Variants in KCNMB4 observed in about 807,000 individuals in gnomAD.
KCNMB4 encodes potassium calcium-activated channel subfamily M regulatory beta subunit 4.
Under a neutral mutation model 20.7 loss-of-function variants are expected in KCNMB4, and 3 were observed. The ratio of observed to expected loss-of-function variants is 0.14; its 90% CI spans 0.07 to 0.37. The LOEUF (loss-of-function observed/expected upper bound fraction) is 0.37. Among genes scored for constraint, KCNMB4 ranks in the 10% least tolerant of loss-of-function variants. The pLI, the probability that KCNMB4 is intolerant of heterozygous loss-of-function variation, is 1.00. For synonymous variants in KCNMB4, 110 were observed against 113.4 expected, an observed-to-expected ratio of 0.97 and a Z score of 0.19; for missense variants, 168 against 265.9, an observed-to-expected ratio of 0.63 and a Z score of 2.56.
chr12:70,430,936 A>G lies in KCNMB4; in HGVS notation c.*283A>G. The stretch of plus-strand genomic sequence containing the variant: ...AGAAGTTCATTTTCTTTCAAAAGTA[A>G]CAGTATATTATTTGTACAGTGTAGT... On this transcript the variant is annotated 3_prime_UTR_variant, in exon 3 of 3. Transcript: ENST00000258111. The G allele has an allele frequency of 3.5e-6, 1 of 287,906 alleles. No individual in the cohort carries two copies. Among genetic ancestry groups the G allele is most frequent in the Non-Finnish European group, 6.4e-6 (1 of 156,842 alleles). The allele number at this position is 287,906 out of a possible 1,614,324, so 17.8% of individuals were successfully genotyped here. A position where few individuals can be genotyped will look rare whatever the true frequency, so the allele number is the denominator to read the frequency against.
At chr12:70,375,526 C>T (rs188688415) in intron 1 of KCNMB4, among the ~76,000 whole-genome samples, 9 of 151,922 alleles carry the variant, frequency 5.9e-5, no homozygotes, top group Admixed American at 5.9e-4. Flanking sequence ...ACTGGTAGTC[C>T]TAGCTACTCA....
intron 2 of KCNMB4, among the ~76,000 whole-genome samples, chr12:70,424,870 A>G (rs908708487): frequency 6.6e-6 from 1 of 152,204 alleles, no homozygotes; most frequent in African/African-American, 2.4e-5. Context: ...TAGGAAGACA[A>G]GCACGCTCTG....
intron 2 of KCNMB4, among the ~76,000 whole-genome samples, chr12:70,407,559 C>G (rs1238686963): frequency 3.3e-5 from 5 of 149,684 alleles, no homozygotes; most frequent in Admixed American, 6.7e-5. Context: ...GCTCCGCCTC[C>G]CGGGTTCACA....
At chr12:70,425,894 T>C (rs1869198696) in intron 2 of KCNMB4, among the ~76,000 whole-genome samples, 1 of 152,156 alleles carries the variant, frequency 6.6e-6, no homozygotes. Flanking sequence ...ATCCCAGTAG[T>C]TTGGGGGGCC....
chr12:70,379,455 G>A (rs1236831216), intron 1 of KCNMB4, among the ~76,000 whole-genome samples: 2 of 152,086 alleles, frequency 1.3e-5, no homozygotes, highest in East Asian at 3.9e-4. Context: ...AGGTCTGGCT[G>A]TCACCCAGGC....
At chr12:70,409,235 G>A (rs11178225) in intron 2 of KCNMB4, among the ~76,000 whole-genome samples, 10,659 of 152,206 alleles carry the variant, frequency 0.07, 575 homozygotes, top group East Asian at 0.25. Context: ...CACCACCTGT[G>A]CAGTCTCTTG....
intron 1 of KCNMB4, among the ~76,000 whole-genome samples, chr12:70,369,629 C>T (rs1883556314): frequency 6.6e-6 from 1 of 152,124 alleles, no homozygotes; most frequent in Admixed American, 6.5e-5. Flanking sequence ...TTTTTCCTCT[C>T]CCTTGAGTTT....
intron 1 of KCNMB4, among the ~76,000 whole-genome samples, chr12:70,394,506 T>G (rs1246350901): frequency 6.6e-6 from 1 of 152,214 alleles, no homozygotes; most frequent in Non-Finnish European, 1.5e-5. Flanking sequence ...ATAAACATTC[T>G]GGACTACCTG....
In KCNMB4 at chr12:70,430,648, T is replaced by G; in HGVS notation, c.628T>G (p.Ser210Ala). ...GGAAGCCATGAAGAAGCGCAAGTTC[T>G]CTTAAAGGGGAAGGAGGCTTGTAGA... ...KAEAMKKRKF[S>A] is the part of the protein sequence containing the mutation. The change falls in exon 3 of 3, where the codon TCT becomes GCT. Residue 210 changes from serine (S) to alanine (A), a missense_variant. Transcript: ENST00000258111. 6.2e-7 allele frequency: 1 copy of G among 1,607,564 alleles called. No individual in the cohort carries two copies. Among genetic ancestry groups the G allele is most frequent in the Non-Finnish European group, 8.5e-7 (1 of 1,178,294 alleles).
chr12:70,373,943 G>GT lies in KCNMB4; in HGVS notation c.336+6874dup, dbSNP rs1160706903. On this transcript the variant is annotated intron_variant, in intron 1 of 2. Coordinates refer to ENST00000258111, the MANE Select transcript of KCNMB4 (RefSeq NM_014505.6). ...CAAGACTGCAGTGAGCTAAATTTAA[G>GT]TATGTGCTTTAGGACTTTAGCTTGG... Among the ~76,000 whole-genome samples the GT allele has an allele frequency of 3.9e-5, 6 of 152,318 alleles. No individual in the cohort carries two copies. In the East Asian group the frequency reaches 1.2e-3, roughly 29 times the overall value.
chr12:70,405,446 T>C (rs1868572336), intron 2 of KCNMB4, among the ~76,000 whole-genome samples: 1 of 152,166 alleles, frequency 6.6e-6, no homozygotes, highest in Non-Finnish European at 1.5e-5. Flanking sequence ...TAATGTCACC[T>C]CACGCCTCTC....
intron 1 of KCNMB4, among the ~76,000 whole-genome samples, chr12:70,391,658 A>G (rs1220826415): frequency 6.6e-6 from 1 of 152,182 alleles, no homozygotes; most frequent in Non-Finnish European, 1.5e-5. Context: ...AGAGAAGAAT[A>G]TAGTCTGAGG....
chr12:70,404,685 A>G (rs1156665283), intron 2 of KCNMB4, among the ~76,000 whole-genome samples: 2 of 152,238 alleles, frequency 1.3e-5, no homozygotes, highest in Non-Finnish European at 2.9e-5. Context: ...AACAGAACTT[A>G]ATGACAATGT....
At chr12:70,422,631 C>A in intron 2 of KCNMB4, 1 of 1,157,380 alleles carries the variant, frequency 8.6e-7, no homozygotes, top group African/African-American at 1.6e-5. Context: ...GCCAAGCTGA[C>A]TTTAGAATAA....
At chr12:70,407,166 A>G (rs1416611769) in intron 2 of KCNMB4, among the ~76,000 whole-genome samples, 1 of 152,116 alleles carries the variant, frequency 6.6e-6, no homozygotes, top group Non-Finnish European at 1.5e-5. Flanking sequence ...CTTGCATTCA[A>G]TAATTTGCTA....
rs1021843451 is a variant in KCNMB4, at chr12:70,394,050, G to A, written c.337-6159G>A. On this transcript the variant is annotated intron_variant, in intron 1 of 2. Transcript: ENST00000258111. ...TCATGTCTTCTTTTGTAGTCACAAA[G>A]CACTTTGTAAATATGCTACTATTAC... Among the ~76,000 whole-genome samples, 3 of 152,150 alleles carry A rather than the reference G, an allele frequency of 2.0e-5. 1 individual carries two copies. The highest frequency in any genetic ancestry group is 4.4e-5 in the Non-Finnish European group (3 of 68,044).
intron 2 of KCNMB4, among the ~76,000 whole-genome samples, chr12:70,407,809 T>A (rs934662189): frequency 6.6e-6 from 1 of 151,888 alleles, no homozygotes; most frequent in Non-Finnish European, 1.5e-5. Context: ...CATGGTTGGT[T>A]CTTCTGACAA....
chr12:70,405,036 A>C (rs117420634), intron 2 of KCNMB4, among the ~76,000 whole-genome samples: 228 of 152,334 alleles, frequency 1.5e-3, no homozygotes, highest in Non-Finnish European at 1.9e-3. Context: ...GGAAAATCAA[A>C]TAAGAACGTC....
At chr12:70,403,304 A>T (rs1868507887) in intron 2 of KCNMB4, among the ~76,000 whole-genome samples, 1 of 151,998 alleles carries the variant, frequency 6.6e-6, no homozygotes, top group South Asian at 2.1e-4. Flanking sequence ...TGCTTCACAT[A>T]ACTAGGCCAG....
Sources: gnomAD v4.1 joint callset for allele counts (sites outside exome capture counted in the v4.1 genomes callset) on GRCh38, gnomAD v4.1.1 for gene constraint, MANE v1.5 for transcripts, NCBI Gene and HGNC (gene_info 2026-07-23, HGNC 2026-07-21) for gene names.